The following POLR2F variants were observed in gnomAD, a reference collection of about 807,000 sequenced individuals.
The protein encoded by POLR2F is RNA polymerase II, I and III subunit F.
In POLR2F, 12 loss-of-function variants were observed where a neutral mutation model predicts 22.7. The ratio of observed to expected loss-of-function variants is 0.53; its 90% confidence interval spans 0.34 to 0.86. The LOEUF is 0.86. POLR2F is among the 40% of genes least tolerant of loss of function. The pLI, the probability that POLR2F is intolerant of heterozygous loss-of-function variation, is 0.02. For missense variants in POLR2F, 126 were observed against 171.5 expected, an observed-to-expected ratio of 0.73 and a Z score of 1.48; for synonymous variants, 57 against 66.0, an observed-to-expected ratio of 0.86 and a Z score of 0.66.
chr22:38,027,676 G>A (rs1003848229), downstream of POLR2F, among the ~76,000 whole-genome samples: 5 of 152,100 alleles, frequency 3.3e-5, no homozygotes, highest in African/African-American at 1.2e-4. Context: ...TCATATGCAC[G>A]TGTGCACACA....
intron 1 of POLR2F, among the ~76,000 whole-genome samples, chr22:37,956,392 G>A (rs1418318183): frequency 6.6e-6 from 1 of 151,590 alleles, no homozygotes; most frequent in African/African-American, 2.4e-5. Context: ...CACCATGCCC[G>A]GCCTCTGAAT....
At chr22:38,000,373 G>A (rs1200913087) in intron 1 of POLR2F, among the ~76,000 whole-genome samples, 1 of 152,236 alleles carries the variant, frequency 6.6e-6, no homozygotes, top group African/African-American at 2.4e-5. Context: ...TGGGCTAGGA[G>A]TCTGGACTCC....
chr22:38,039,184 C>A lies in POLR2F; in HGVS notation c.453-1884C>A, dbSNP rs1464396776. Among the ~76,000 whole-genome samples, 5 of 152,232 alleles carry A rather than the reference C, an allele frequency of 3.3e-5. No individual in the cohort carries two copies. The East Asian group carries it at 9.6e-4, about 29-fold the overall frequency. On this transcript the variant is annotated intron_variant, in intron 5 of 5. Coordinates refer to the POLR2F transcript ENST00000407936. Reference sequence around the variant, plus strand: ...CCCTCCAGAAAGAGCCGTCTCTGCACCCGCTCCCACCCGTGGGAAGCACCA... The same window carrying A: ...CCCTCCAGAAAGAGCCGTCTCTGCAACCGCTCCCACCCGTGGGAAGCACCA...
At chr22:38,002,641 G>A (rs1406297219) in intron 1 of POLR2F, among the ~76,000 whole-genome samples, 5 of 152,220 alleles carry the variant, frequency 3.3e-5, no homozygotes, top group African/African-American at 1.2e-4. Flanking sequence ...AACGGAGAAG[G>A]GCTTCCCGGT....
chr22:38,009,623 C>T (rs2084854305), intron 1 of POLR2F, among the ~76,000 whole-genome samples: 1 of 152,196 alleles, frequency 6.6e-6, no homozygotes, highest in Non-Finnish European at 1.5e-5. Context: ...ATCAAGTAAA[C>T]AAGTACATCT....
intron 1 of POLR2F, among the ~76,000 whole-genome samples, chr22:37,993,817 G>A (rs191481261): frequency 3.9e-5 from 6 of 152,110 alleles, no homozygotes; most frequent in South Asian, 2.1e-4. Flanking sequence ...ATGAAACCCC[G>A]TCTCTACTAA....
chr22:38,030,430 C>T (rs1041188856), downstream of POLR2F, among the ~76,000 whole-genome samples: 3 of 151,840 alleles, frequency 2.0e-5, no homozygotes, highest in Non-Finnish European at 4.4e-5. Context: ...CAACTGGCTT[C>T]GATTCCAGAG....
In POLR2F at chr22:37,980,154, A is replaced by G. The variant is rs1932352530; in HGVS notation, c.293+12984A>G. ...TACACACTTAGGACAAAGATGCCGG[A>G]GCAGGGCCTTGAGAGTCAGGGAGTG... On this transcript the variant is annotated intron_variant, in intron 4 of 4. Coordinates refer to the POLR2F transcript ENST00000405557. The surrounding 1 kb of genome is among the most constrained non-coding windows in gnomAD (Gnocchi z 4.1). 6.6e-6 allele frequency among the ~76,000 whole-genome samples: 1 copy of G among 152,124 alleles called. No individual in the cohort carries two copies.
In POLR2F at chr22:37,978,060, G is replaced by A; in HGVS notation, c.293+10890G>A. The A allele has an allele frequency of 1.2e-6, 2 of 1,610,328 alleles. No homozygotes were observed. The highest frequency in any genetic ancestry group is 1.7e-6 in the Non-Finnish European group (2 of 1,179,000). ...GCCTGGGCTGGTACTTGTAGTCCGG[G>A]TGGTCTTTCTTGTGCTGCATACGGA... is the stretch of plus-strand genomic sequence containing the variant. On this transcript the variant is annotated intron_variant, in intron 4 of 4. Transcript: ENST00000405557. This position sits in a 1 kb window ranked among gnomAD's most constrained non-coding sequence, Gnocchi z 5.0.
chr22:37,962,709 G>T (rs1423776376), intron 3 of POLR2F, among the ~76,000 whole-genome samples: 3 of 151,882 alleles, frequency 2.0e-5, no homozygotes, highest in East Asian at 1.9e-4. Context: ...AATTTTTTTT[G>T]AGACGGAGTC....
intron 5 of POLR2F, among the ~76,000 whole-genome samples, chr22:38,037,878 T>G: frequency 6.6e-6 from 1 of 152,116 alleles, no homozygotes. Context: ...GTTCATGGAG[T>G]GCCTCCTATG....
downstream of POLR2F, among the ~76,000 whole-genome samples, chr22:38,029,436 G>T (rs1475869751): frequency 6.6e-6 from 1 of 152,148 alleles, no homozygotes; most frequent in Admixed American, 6.5e-5. Context: ...GGTCTAGTGG[G>T]GTGATGGACA....
intron 1 of POLR2F, among the ~76,000 whole-genome samples, chr22:38,014,122 C>CAAAAAAAA (rs918824276): frequency 8.3e-5 from 5 of 60,210 alleles, no homozygotes; most frequent in African/African-American, 1.7e-4. Context: ...AACTCTGTCT[C>CAAAAAAAA]AAAAAAAAAA....
chr22:37,974,554 T>C lies in POLR2F; in HGVS notation c.293+7384T>C, dbSNP rs1467347078. On this transcript the variant is annotated intron_variant, in intron 4 of 4. Coordinates refer to the POLR2F transcript ENST00000405557. The surrounding 1 kb of genome is among the most constrained non-coding windows in gnomAD (Gnocchi z 5.4). ...TTTTAGTAGAGACGGGGTTTCACCA[T>C]GTTGGCCAGGGTTGTCTTGAACTCC... is the stretch of plus-strand genomic sequence containing the variant. Among the ~76,000 whole-genome samples, 2 of 152,200 alleles carry C rather than the reference T, an allele frequency of 1.3e-5. No individual in the cohort carries two copies. The highest frequency in any genetic ancestry group is 2.9e-5 in the Non-Finnish European group (2 of 68,006).
chr22:37,983,994 G>T, upstream of POLR2F: 1 of 336,686 alleles, frequency 3.0e-6, no homozygotes, highest in East Asian at 5.9e-5. The surrounding 1 kb of genome is among the most constrained non-coding windows in gnomAD (Gnocchi z 9.5). Flanking sequence ...CTGGCCCCTG[G>T]GGCCCACGCA....
chr22:38,022,874 C>T (rs2084972688), intron 1 of POLR2F, among the ~76,000 whole-genome samples: 2 of 151,812 alleles, frequency 1.3e-5, no homozygotes, highest in South Asian at 2.1e-4. Flanking sequence ...ATTAGCCGGG[C>T]ATGGTGGGCA....
At chr22:38,022,901 C>T (rs1433652315) in intron 1 of POLR2F, among the ~76,000 whole-genome samples, 1 of 152,012 alleles carries the variant, frequency 6.6e-6, no homozygotes, top group Non-Finnish European at 1.5e-5. Context: ...ATCCCAGCTA[C>T]TCGGGAGGCT....
downstream of POLR2F, among the ~76,000 whole-genome samples, chr22:38,027,097 TCGTGGAGTGCGA>T (rs975101037): frequency 1.6e-4 from 24 of 152,232 alleles, no homozygotes; most frequent in Admixed American, 3.3e-4. Flanking sequence ...GTGCAGTGTG[TCGTGGAGTGCGA>T]GATGGCATAG....
chr22:38,034,507 C>T (rs1057143781), intron 5 of POLR2F, among the ~76,000 whole-genome samples: 12 of 152,296 alleles, frequency 7.9e-5, no homozygotes, highest in Admixed American at 3.3e-4. Context: ...CTAAGGAGAC[C>T]GAAGTGCCCA....
Sources: gnomAD v4.1 joint callset for allele counts (sites outside exome capture counted in the v4.1 genomes callset) on GRCh38, gnomAD v4.1.1 for gene constraint, Gnocchi (gnomAD v3.1) non-coding constraint, MANE v1.5 for transcripts, NCBI Gene and HGNC (gene_info 2026-07-23, HGNC 2026-07-21) for gene names.